DPP10: variants seen among roughly 807,000 people sequenced by gnomAD.
DPP10 encodes the protein dipeptidyl peptidase like 10.
A neutral mutation model predicts 120.9 loss-of-function variants in DPP10; 33 were observed. The ratio of observed to expected loss-of-function variants is 0.27; its 90% CI spans 0.21 to 0.37. The LOEUF (loss-of-function observed/expected upper bound fraction) is 0.37. DPP10 is among the 10% of genes least tolerant of loss of function. The pLI, the probability that DPP10 is intolerant of heterozygous loss-of-function variation, is 1.00. For synonymous variants in DPP10, 337 were observed against 326.1 expected (o/e 1.03, Z -0.36); for missense variants, 816 against 942.8 (o/e 0.87, Z 1.76).
At chr2:115,144,413 G>C (rs1337441295) in intron 1 of DPP10, 1 of 151,904 alleles carries the variant, frequency 6.6e-6, no homozygotes, top group Non-Finnish European at 1.5e-5. Context: ...TTTTTACGTC[G>C]AATAGTTAAG....
intron 3 of DPP10, among the ~76,000 whole-genome samples, chr2:115,437,037 A>G (rs2071562146): frequency 1.3e-5 from 2 of 151,988 alleles, no homozygotes; most frequent in South Asian, 4.1e-4. Flanking sequence ...TCACCTGACT[A>G]TGTGACGTTA....
At chr2:115,652,847 C>A (rs1293219339) in intron 5 of DPP10, among the ~76,000 whole-genome samples, 2 of 151,766 alleles carry the variant, frequency 1.3e-5, no homozygotes, top group African/African-American at 4.8e-5. Context: ...TCAGATACAC[C>A]CTGAAAGATG....
chr2:115,724,152 C>T (rs1337030363), intron 7 of DPP10, among the ~76,000 whole-genome samples: 1 of 152,140 alleles, frequency 6.6e-6, no homozygotes, highest in African/African-American at 2.4e-5. Flanking sequence ...TTATGGTAAG[C>T]TAATTTATAT....
chr2:115,172,591 C>A (rs768628890), intron 1 of DPP10, among the ~76,000 whole-genome samples: 9 of 152,116 alleles, frequency 5.9e-5, no homozygotes, highest in Non-Finnish European at 1.2e-4. Flanking sequence ...AACCCTAGAA[C>A]CTTGACATAC....
chr2:114,994,776 A>G (rs1700971657), intron 1 of DPP10, among the ~76,000 whole-genome samples: 1 of 152,214 alleles, frequency 6.6e-6, no homozygotes, highest in Non-Finnish European at 1.5e-5. Context: ...TTTATCTTGA[A>G]ATCTCAGTTC....
At chr2:114,536,423 T>TTTTTA (rs1686499123) in intron 1 of DPP10, among the ~76,000 whole-genome samples, 2 of 150,096 alleles carry the variant, frequency 1.3e-5, no homozygotes, top group African/African-American at 2.4e-5. Flanking sequence ...TTTTTTTTTT[T>TTTTTA]GAGACGTAGT....
rs17048355 is a variant in DPP10, at chr2:114,444,866, G to A, written c.60+2028G>A. ...TGATGTTCATAAAATATATATAGTC[G>A]CAAGCACTGAACTATTAAGGGAGTA... On this transcript the variant is annotated intron_variant, in intron 1 of 25. Coordinates refer to ENST00000410059, the MANE Select transcript of DPP10 (RefSeq NM_020868.6). Among the ~76,000 whole-genome samples the A allele has an allele frequency of 2.7e-3, 417 of 152,200 alleles. 4 individuals carry two copies. The East Asian group carries it at 0.053, about 19-fold the overall frequency.
At chr2:115,113,079 T>G (rs1489473319) in intron 1 of DPP10, among the ~76,000 whole-genome samples, 1 of 152,076 alleles carries the variant, frequency 6.6e-6, no homozygotes, top group Non-Finnish European at 1.5e-5. Context: ...AAGTTACGTG[T>G]GTGTGTGTGG....
chr2:115,059,449 G>A (rs1706216715), intron 1 of DPP10, among the ~76,000 whole-genome samples: 1 of 150,728 alleles, frequency 6.6e-6, no homozygotes, highest in African/African-American at 2.4e-5. Flanking sequence ...TCACTCCTAG[G>A]ACAAGTGCTT....
intron 1 of DPP10, among the ~76,000 whole-genome samples, chr2:114,743,951 G>T (rs181713897): frequency 2.0e-5 from 3 of 152,052 alleles, no homozygotes; most frequent in Admixed American, 2.0e-4. Context: ...TTACAAGATC[G>T]AAGGTTATAA....
intron 1 of DPP10, among the ~76,000 whole-genome samples, chr2:114,903,762 C>T (rs928571887): frequency 6.6e-6 from 1 of 152,082 alleles, no homozygotes; most frequent in African/African-American, 2.4e-5. Flanking sequence ...GGTGCCATAA[C>T]CAGATAGGAT....
chr2:115,496,211 A>C (rs1191765009), intron 3 of DPP10, among the ~76,000 whole-genome samples: 2 of 152,150 alleles, frequency 1.3e-5, no homozygotes, highest in African/African-American at 4.8e-5. Context: ...AAAATTAATA[A>C]GGGCAGATAT....
intron 1 of DPP10, among the ~76,000 whole-genome samples, chr2:114,487,741 A>G (rs1432689771): frequency 6.6e-6 from 1 of 152,206 alleles, no homozygotes; most frequent in Non-Finnish European, 1.5e-5. Context: ...CTAATTTTAA[A>G]TATCAGAAGC....
At chr2:115,322,326 T>C (rs1357322945) in intron 2 of DPP10, among the ~76,000 whole-genome samples, 1 of 152,148 alleles carries the variant, frequency 6.6e-6, no homozygotes, top group Non-Finnish European at 1.5e-5. Context: ...TTAGCTAGGG[T>C]TTTCTGTTTG....
chr2:115,016,828 C>T (rs1487782310), intron 1 of DPP10, among the ~76,000 whole-genome samples: 2 of 152,004 alleles, frequency 1.3e-5, no homozygotes, highest in Non-Finnish European at 2.9e-5. Flanking sequence ...CAATGATAGA[C>T]TGGATTAAGA....
chr2:115,433,083 C>G (rs1051270926), intron 3 of DPP10, among the ~76,000 whole-genome samples: 1 of 152,020 alleles, frequency 6.6e-6, no homozygotes, highest in Non-Finnish European at 1.5e-5. Flanking sequence ...TATTTGCTCT[C>G]GTGCTTGAGA....
At chr2:115,330,268 C>T (rs1022484190) in intron 2 of DPP10, among the ~76,000 whole-genome samples, 1 of 152,084 alleles carries the variant, frequency 6.6e-6, no homozygotes, top group African/African-American at 2.4e-5. Flanking sequence ...ATCTTTTGCC[C>T]ACTTTTTGTT....
intron 1 of DPP10, among the ~76,000 whole-genome samples, chr2:115,299,279 A>G (rs2061020439): frequency 1.3e-5 from 2 of 152,100 alleles, no homozygotes; most frequent in African/African-American, 2.4e-5. Context: ...TCATGTAAAG[A>G]AAAGATATGG....
chr2:115,329,396 T>C (rs1194800449), intron 2 of DPP10, among the ~76,000 whole-genome samples: 1 of 152,080 alleles, frequency 6.6e-6, no homozygotes, highest in Non-Finnish European at 1.5e-5. Flanking sequence ...TATTAGGCTT[T>C]GTAAGATACA....
Sources: gnomAD v4.1 joint callset for allele counts (sites outside exome capture counted in the v4.1 genomes callset) on GRCh38, gnomAD v4.1.1 for gene constraint, MANE v1.5 for transcripts, NCBI Gene and HGNC (gene_info 2026-07-23, HGNC 2026-07-21) for gene names.